Variants in CAMTA1 observed in about 807,000 individuals in gnomAD.
CAMTA1 encodes the protein calmodulin binding transcription activator 1, also known as calmodulin-binding transcription activator 1.
Under a neutral mutation model 170.9 loss-of-function variants are expected in CAMTA1, and 27 were observed. That is an observed-to-expected ratio of 0.16 (90% CI 0.12 to 0.22). The LOEUF (loss-of-function observed/expected upper bound fraction) is 0.22, where lower values mean the gene tolerates loss of function less well. Among genes scored for constraint, CAMTA1 ranks in the 10% least tolerant of loss-of-function variants. The pLI is 1.00. For synonymous variants in CAMTA1, 833 were observed against 891.5 expected, an observed-to-expected ratio of 0.93 and a Z score of 1.17; for missense variants, 1,619 against 2,217.2, an observed-to-expected ratio of 0.73 and a Z score of 5.42.
chr1:7,574,660 C>T (rs1327261091), intron 6 of CAMTA1, among the ~76,000 whole-genome samples: 2 of 152,194 alleles, frequency 1.3e-5, no homozygotes, highest in Non-Finnish European at 2.9e-5. Context: ...GAGAGGTCCG[C>T]CTGGCCAGCT....
At chr1:7,322,292 C>A (rs537788077) in intron 5 of CAMTA1, among the ~76,000 whole-genome samples, 1 of 152,292 alleles carries the variant, frequency 6.6e-6, no homozygotes, top group South Asian at 2.1e-4. Context: ...CATTTGGTTT[C>A]CAATTGCACA....
chr1:7,237,584 T>A (rs913119380), intron 4 of CAMTA1, among the ~76,000 whole-genome samples: 2 of 152,152 alleles, frequency 1.3e-5, no homozygotes, highest in African/African-American at 4.8e-5. Context: ...AGTCTTCGAT[T>A]CAATCCCCAG....
chr1:6,794,201 A>G (rs1280321853), intron 1 of CAMTA1, among the ~76,000 whole-genome samples: 2 of 152,218 alleles, frequency 1.3e-5, no homozygotes, highest in Non-Finnish European at 2.9e-5. Flanking sequence ...GATTGGTTTT[A>G]AGAAAAATAT....
chr1:7,249,449 C>T lies in CAMTA1; in HGVS notation c.303-42C>T. ...ATATCTTTCTTCATAAATTTTTCTT[C>T]TACTTGGTACTCTTGGTAACTTAAC... On this transcript the variant is annotated intron_variant, in intron 4 of 22. Coordinates refer to ENST00000303635, the MANE Select transcript of CAMTA1 (RefSeq NM_015215.4). This position sits in a 1 kb window ranked among gnomAD's most constrained non-coding sequence, Gnocchi z 4.4. 1 of 1,549,136 alleles carries T rather than the reference C, an allele frequency of 6.5e-7. No homozygotes were observed. The highest frequency in any genetic ancestry group is 8.7e-7 in the Non-Finnish European group (1 of 1,143,904).
At chr1:7,584,840 G>A (rs955974720) in intron 6 of CAMTA1, among the ~76,000 whole-genome samples, 6 of 152,178 alleles carry the variant, frequency 3.9e-5, no homozygotes, top group Admixed American at 2.0e-4. Flanking sequence ...TCTGGTGGGT[G>A]GAGGCCGGGG....
intron 11 of CAMTA1, among the ~76,000 whole-genome samples, chr1:7,714,466 T>C (rs2096594267): frequency 6.6e-6 from 1 of 152,194 alleles, no homozygotes; most frequent in Non-Finnish European, 1.5e-5. Context: ...TAATAAACAG[T>C]CACTTGAAAC....
chr1:6,876,685 C>G (rs751191796), intron 3 of CAMTA1, among the ~76,000 whole-genome samples: 8 of 152,102 alleles, frequency 5.3e-5, no homozygotes, highest in Admixed American at 5.2e-4. Context: ...CTTAATTTGT[C>G]TTAGTATCTG....
Position 7,254,250 on chromosome 1 carries a change from C to G in CAMTA1, c.438+4624C>G, listed in dbSNP as rs539552024. Among the ~76,000 whole-genome samples the G allele has an allele frequency of 2.6e-5, 4 of 152,342 alleles. No individual in the cohort carries two copies. The East Asian group carries it at 7.7e-4, about 29-fold the overall frequency. On this transcript the variant is annotated intron_variant, in intron 5 of 22. Transcript: ENST00000303635. ...GCCTATCCAGACCAGGTCTTATCCTCCTAGCAACGCGGCCCTCTCGGCTCT... is the reference window on the plus strand; with the variant it reads ...GCCTATCCAGACCAGGTCTTATCCTGCTAGCAACGCGGCCCTCTCGGCTCT...
At chr1:6,871,672 CA>C in intron 3 of CAMTA1, 1 of 1,158,542 alleles carries the variant, frequency 8.6e-7, no homozygotes, top group Non-Finnish European at 1.2e-6. Context: ...TGATGGGGTT[CA>C]GTTACAGTGG....
chr1:7,507,957 A>T (rs1288852980), intron 6 of CAMTA1, among the ~76,000 whole-genome samples: 5 of 152,246 alleles, frequency 3.3e-5, no homozygotes, highest in Non-Finnish European at 5.9e-5. Context: ...GGGCTTTGCC[A>T]CGTGGCTCCC....
chr1:7,159,498 C>T (rs559121954), intron 4 of CAMTA1, among the ~76,000 whole-genome samples: 2 of 152,196 alleles, frequency 1.3e-5, no homozygotes, highest in South Asian at 4.2e-4. Flanking sequence ...CCTCCCTGAG[C>T]TCTGGATCCC....
chr1:6,849,278 T>C (rs1659497818), intron 3 of CAMTA1, among the ~76,000 whole-genome samples: 1 of 152,184 alleles, frequency 6.6e-6, no homozygotes, highest in Non-Finnish European at 1.5e-5. Context: ...TTGGAGCACC[T>C]GGGGAACATC....
At position 7,373,236 on chromosome 1, in the gene CAMTA1, C is replaced by T. The variant is rs564223177; in HGVS notation, c.439-94594C>T. ...CTGGAGTATTTCTACCCAGTAGTAC[C>T]CCGTCTCTGCCAGTCGTGACTGCTA... is the stretch of plus-strand genomic sequence containing the variant. On this transcript the variant is annotated intron_variant, in intron 5 of 22. Transcript: ENST00000303635. Among the ~76,000 whole-genome samples the T allele has an allele frequency of 2.0e-5, 3 of 152,294 alleles. No individual in the cohort carries two copies. In the South Asian group the frequency reaches 6.2e-4, roughly 32 times the overall value.
intron 6 of CAMTA1, among the ~76,000 whole-genome samples, chr1:7,559,847 AG>A: frequency 6.6e-6 from 1 of 152,070 alleles, no homozygotes; most frequent in Non-Finnish European, 1.5e-5. Flanking sequence ...AGGCCAGGGG[AG>A]GGGGGCCTCA....
At chr1:7,584,590 G>A (rs2095292654) in intron 6 of CAMTA1, among the ~76,000 whole-genome samples, 1 of 152,180 alleles carries the variant, frequency 6.6e-6, no homozygotes, top group South Asian at 2.1e-4. Context: ...TACCCGCTCT[G>A]GGGTAGACAC....
chr1:7,659,170 G>C (rs1198839291), intron 7 of CAMTA1, among the ~76,000 whole-genome samples: 1 of 152,214 alleles, frequency 6.6e-6, no homozygotes, highest in Non-Finnish European at 1.5e-5. Flanking sequence ...AGCACACACA[G>C]AGAAGGAAAG....
At chr1:7,428,458 G>A (rs892710022) in intron 5 of CAMTA1, among the ~76,000 whole-genome samples, 1 of 152,058 alleles carries the variant, frequency 6.6e-6, no homozygotes, top group Non-Finnish European at 1.5e-5. Context: ...GGGATTGTGT[G>A]GCTCTCATGA....
chr1:7,165,078 G>A (rs576305558), intron 4 of CAMTA1, among the ~76,000 whole-genome samples: 1 of 152,256 alleles, frequency 6.6e-6, no homozygotes, highest in South Asian at 2.1e-4. Flanking sequence ...TAGAAAAAAC[G>A]ATCTGCTTTT....
chr1:7,573,899 G>A lies in CAMTA1; in HGVS notation c.511-66501G>A, dbSNP rs113802171. Among the ~76,000 whole-genome samples, 8 of 151,950 alleles carry A rather than the reference G, an allele frequency of 5.3e-5. 1 individual carries two copies. Among genetic ancestry groups the A allele is most frequent in the African/African-American group, 1.9e-4 (8 of 41,472 alleles). ...AGCGATTCTCCTGCCTCAGCCTCCC[G>A]TGTAGCTGGGATTACAGGCGTGCAC... On this transcript the variant is annotated intron_variant, in intron 6 of 22. Transcript: ENST00000303635.
Sources: allele counts gnomAD v4.1 joint callset (sites outside exome capture counted in the v4.1 genomes callset), GRCh38; gene constraint gnomAD v4.1.1; non-coding constraint Gnocchi (gnomAD v3.1); transcripts MANE v1.5; gene names NCBI Gene and HGNC (gene_info 2026-07-23, HGNC 2026-07-21).